ADARB2: variants seen among roughly 807,000 people sequenced by gnomAD.
The protein encoded by ADARB2 is inactive double-stranded RNA-specific editase B2.
In ADARB2, 25 loss-of-function variants were observed where a neutral mutation model predicts 62.2. That is an observed-to-expected ratio of 0.40 (90% confidence interval 0.29 to 0.56). The LOEUF (loss-of-function observed/expected upper bound fraction) is 0.56, where lower values mean the gene tolerates loss of function less well. Among genes scored for constraint, ADARB2 ranks in the 20% least tolerant of loss-of-function variants. The pLI, the probability that ADARB2 is intolerant of heterozygous loss-of-function variation, is 0.43. For missense variants in ADARB2, 1,071 were observed against 1,077.4 expected (o/e 0.99, Z 0.08); for synonymous variants, 572 against 500.8 (o/e 1.14, Z -1.90).
At chr10:1,625,485 C>G (rs558154579) in intron 1 of ADARB2, among the ~76,000 whole-genome samples, 1 of 152,052 alleles carries the variant, frequency 6.6e-6, no homozygotes, top group African/African-American at 2.4e-5. Context: ...AGTGAACAGA[C>G]GGCAGGGAAT....
chr10:1,270,233 C>A (rs914206054), intron 4 of ADARB2, among the ~76,000 whole-genome samples: 3 of 152,170 alleles, frequency 2.0e-5, no homozygotes, highest in Non-Finnish European at 4.4e-5. Flanking sequence ...GCTCGATGGT[C>A]TTTTTCCGCC....
At chr10:1,567,558 C>T (rs759654412) in intron 1 of ADARB2, among the ~76,000 whole-genome samples, 17 of 152,310 alleles carry the variant, frequency 1.1e-4, no homozygotes, top group African/African-American at 3.8e-4. Flanking sequence ...AATGAAAGGA[C>T]GGTCAGCCCC....
intron 1 of ADARB2, among the ~76,000 whole-genome samples, chr10:1,571,195 C>T (rs914106665): frequency 2.6e-5 from 4 of 152,116 alleles, no homozygotes; most frequent in Admixed American, 2.0e-4. Context: ...GAACATCTGC[C>T]ATCCAGCAAA....
At chr10:1,323,062 T>A (rs953468470) in intron 3 of ADARB2, among the ~76,000 whole-genome samples, 1 of 152,154 alleles carries the variant, frequency 6.6e-6, no homozygotes, top group African/African-American at 2.4e-5. Flanking sequence ...TTAAAAAGTA[T>A]ATCAGAATTT....
At chr10:1,631,801 TA>T (rs1833847264) in intron 1 of ADARB2, among the ~76,000 whole-genome samples, 1 of 152,234 alleles carries the variant, frequency 6.6e-6, no homozygotes. Flanking sequence ...TGGTAATTTG[TA>T]AAAACAATGT....
intron 1 of ADARB2, among the ~76,000 whole-genome samples, chr10:1,458,909 A>T (rs536578117): frequency 2.0e-5 from 3 of 152,364 alleles, no homozygotes; most frequent in African/African-American, 7.2e-5. Flanking sequence ...TCAAAAGAAG[A>T]CACTTATGCA....
chr10:1,435,006 G>A (rs9919399), intron 1 of ADARB2, among the ~76,000 whole-genome samples: 5,994 of 152,290 alleles, frequency 0.039, 402 homozygotes, highest in African/African-American at 0.14. Context: ...GGGAACAAGG[G>A]CACTTGGGCT....
At chr10:1,664,410 T>G (rs1834288381) in intron 1 of ADARB2, among the ~76,000 whole-genome samples, 2 of 152,206 alleles carry the variant, frequency 1.3e-5, no homozygotes, top group African/African-American at 4.8e-5. Flanking sequence ...TGCACCATCC[T>G]GCACTCCCAC....
At chr10:1,666,275 G>C (rs1388983673) in intron 1 of ADARB2, among the ~76,000 whole-genome samples, 4 of 152,226 alleles carry the variant, frequency 2.6e-5, no homozygotes, top group Admixed American at 6.5e-5. Flanking sequence ...AGGGTCGGCA[G>C]GGCACTGAGG....
intron 1 of ADARB2, among the ~76,000 whole-genome samples, chr10:1,546,245 T>G (rs1832517460): frequency 6.6e-6 from 1 of 152,186 alleles, no homozygotes; most frequent in Non-Finnish European, 1.5e-5. Context: ...GACTGAGCTC[T>G]CCTCTCCTCT....
At chr10:1,324,934 G>A (rs1248202055) in intron 3 of ADARB2, among the ~76,000 whole-genome samples, 1 of 152,210 alleles carries the variant, frequency 6.6e-6, no homozygotes, top group Non-Finnish European at 1.5e-5. Flanking sequence ...GAGGCGTTGT[G>A]CTCCGGCTCT....
chr10:1,262,515 C>A (rs1831151575), intron 4 of ADARB2, among the ~76,000 whole-genome samples: 1 of 151,806 alleles, frequency 6.6e-6, no homozygotes, highest in African/African-American at 2.4e-5. Flanking sequence ...ATTTATGCAG[C>A]CAAAAAACAC....
At position 1,664,755 on chromosome 10, in the gene ADARB2, C is replaced by T. The variant is rs532011827; in HGVS notation, c.100+72296G>A. Among the ~76,000 whole-genome samples, 26 of 152,264 alleles carry T rather than the reference C, an allele frequency of 1.7e-4. No individual in the cohort carries two copies. In the East Asian group the frequency reaches 5.0e-3, roughly 29 times the overall value. The stretch of plus-strand genomic sequence containing the variant: ...AGCAGACGGCAAGGGGAACGTGGGA[C>T]TCCCATGCGGCTGACTCTGGGGGCC... On this transcript the variant is annotated intron_variant, in intron 1 of 9. Coordinates refer to ENST00000381312, the MANE Select transcript of ADARB2 (RefSeq NM_018702.4).
rs1836962893 is a variant in ADARB2, at chr10:1,200,026, G to A, written c.1804C>T (p.Arg602Cys). ...GGCAGCTGGCCGACACCCTCCATGCGGTGGCTCATGACGCGTGCGAGGTGG... is the reference window on the plus strand; with the variant it reads ...GGCAGCTGGCCGACACCCTCCATGCAGTGGCTCATGACGCGTGCGAGGTGG... ...TGHLARVMSH[R>C]MEGVGQLPAS... The change falls in exon 8 of 10, where the codon CGC (arginine) becomes TGC (cysteine). Residue 602 changes from arginine (R) to cysteine (C), a missense_variant. Physicochemically the swap from Arg to Cys is radical, Grantham distance 180. Coordinates refer to ENST00000381312, the MANE Select transcript of ADARB2 (RefSeq NM_018702.4). The A allele has an allele frequency of 4.4e-6, 7 of 1,592,172 alleles. No individual in the cohort carries two copies. The highest frequency in any genetic ancestry group is 6.0e-6 in the Non-Finnish European group (7 of 1,173,996).
At chr10:1,188,117 G>A (rs942051432) in intron 8 of ADARB2, 1 of 153,934 alleles carries the variant, frequency 6.5e-6, no homozygotes, top group African/African-American at 2.4e-5. Flanking sequence ...GTTCCAGGCA[G>A]TTTGAGTTCT....
At chr10:1,290,590 C>T (rs1273155827) in intron 3 of ADARB2, 1 of 152,192 alleles carries the variant, frequency 6.6e-6, no homozygotes, top group Non-Finnish European at 1.5e-5. Flanking sequence ...AGGTGCCTTC[C>T]AAGGGCTTTT....
At position 1,295,962 on chromosome 10, in the gene ADARB2, G is replaced by T. The variant is rs188974558; in HGVS notation, c.1078-24893C>A. Among the ~76,000 whole-genome samples the T allele has an allele frequency of 2.7e-4, 41 of 152,172 alleles. No homozygotes were observed. In the East Asian group the frequency reaches 6.6e-3, roughly 24 times the overall value. On this transcript the variant is annotated intron_variant, in intron 3 of 9. Coordinates refer to ENST00000381312, the MANE Select transcript of ADARB2 (RefSeq NM_018702.4). ...GCAAGCATTTGCTCCTCACTCAGGAGCCTGTGGTTGGACTGGGGTGGGGTG... is the reference window on the plus strand; with the variant it reads ...GCAAGCATTTGCTCCTCACTCAGGATCCTGTGGTTGGACTGGGGTGGGGTG...
At chr10:1,216,909 C>A (rs767116562) in intron 7 of ADARB2, 42 bp downstream of exon 7, 2 of 1,588,780 alleles carry the variant, frequency 1.3e-6, no homozygotes, top group Non-Finnish European at 8.5e-7. Context: ...CACTCCCCAC[C>A]GGCCGCAGCC....
At chr10:1,626,363 C>T (rs376859559) in intron 1 of ADARB2, among the ~76,000 whole-genome samples, 13 of 125,992 alleles carry the variant, frequency 1.0e-4, no homozygotes, top group African/African-American at 3.7e-4. Context: ...CACTGGACCT[C>T]GGATGCTAAC....
Sources: gnomAD v4.1 joint callset for allele counts (sites outside exome capture counted in the v4.1 genomes callset) on GRCh38, gnomAD v4.1.1 for gene constraint, MANE v1.5 for transcripts, NCBI Gene and HGNC (gene_info 2026-07-23, HGNC 2026-07-21) for gene names.